TM9SF4: variants seen among roughly 807,000 people sequenced by gnomAD.
TM9SF4 encodes the protein dinucleotide oxidase disulfide thiol exchanger 3 superfamily member 4.
Under a neutral mutation model 90.4 loss-of-function variants are expected in TM9SF4, and 26 were observed. That is an observed-to-expected ratio of 0.29 (90% CI 0.21 to 0.40). TM9SF4 has a LOEUF of 0.40. Ranked by LOEUF, TM9SF4 falls within the 10% of genes least tolerant of loss-of-function variation. The pLI is 1.00. For synonymous variants in TM9SF4, 293 were observed against 315.4 expected, an observed-to-expected ratio of 0.93 and a Z score of 0.75; for missense variants, 549 against 834.8, an observed-to-expected ratio of 0.66 and a Z score of 4.22.
intron 3 of TM9SF4, among the ~76,000 whole-genome samples, chr20:32,139,694 C>T (rs2046643760): frequency 1.3e-5 from 2 of 152,256 alleles, no homozygotes; most frequent in African/African-American, 4.8e-5. Context: ...TTGTTGCTTT[C>T]TAGGTCAAAC....
At chr20:32,131,362 G>A (rs1418459757) in intron 1 of TM9SF4, among the ~76,000 whole-genome samples, 1 of 152,206 alleles carries the variant, frequency 6.6e-6, no homozygotes, top group African/African-American at 2.4e-5. Context: ...TCAGAAACTT[G>A]TAAAGCCATT....
chr20:32,148,646 G>A (rs769223797), intron 9 of TM9SF4, among the ~76,000 whole-genome samples: 26 of 148,978 alleles, frequency 1.7e-4, no homozygotes, highest in Non-Finnish European at 3.0e-4. Context: ...CCAAGACTTG[G>A]TATAGAAATA....
Position 32,144,954 on chromosome 20 carries a change from C to T in TM9SF4, c.653-137C>T, listed in dbSNP as rs1600822266. ...AAAATGAAAAAAAACCATTGTTGCC[C>T]ATTGTGCTCCCAGTCTCCACTCCCA... On this transcript the variant is annotated intron_variant, in intron 6 of 17. Transcript: ENST00000398022. 6 of 716,926 alleles carry T rather than the reference C, an allele frequency of 8.4e-6. No homozygotes were observed. In the East Asian group the frequency reaches 1.2e-4, roughly 15 times the overall value. The allele number at this position is 716,926 out of a possible 1,614,324, so 44.4% of individuals were successfully genotyped here.
intron 12 of TM9SF4, among the ~76,000 whole-genome samples, chr20:32,151,639 G>A (rs4911550): frequency 0.42 from 64,303 of 151,960 alleles, 13,958 homozygotes; most frequent in East Asian, 0.74. Flanking sequence ...ACTATTTTGG[G>A]AGGATCAAAG....
At position 32,165,570 on chromosome 20, in the gene TM9SF4, C is replaced by T. The variant is rs2047088550; in HGVS notation, c.*126C>T. The T allele has an allele frequency of 8.4e-7, 1 of 1,195,482 alleles. No individual in the cohort carries two copies. Among genetic ancestry groups the T allele is most frequent in the Non-Finnish European group, 1.2e-6 (1 of 847,054 alleles). The allele number at this position is 1,195,482 out of a possible 1,614,324, so 74.1% of individuals were successfully genotyped here. A position where few individuals can be genotyped will look rare whatever the true frequency, so the allele number is the denominator to read the frequency against. On this transcript the variant is annotated 3_prime_UTR_variant, in exon 18 of 18. Coordinates refer to ENST00000398022, the MANE Select transcript of TM9SF4 (RefSeq NM_014742.4). Reference sequence around the variant, plus strand: ...GAATGTAACTCCTGGCACAGTGTTCCTGGATCCTGGGGCTGCGTGGGGGGC... The same window carrying T: ...GAATGTAACTCCTGGCACAGTGTTCTTGGATCCTGGGGCTGCGTGGGGGGC...
chr20:32,154,579 G>A (rs4911551), intron 12 of TM9SF4, among the ~76,000 whole-genome samples: 64,258 of 151,902 alleles, frequency 0.42, 13,954 homozygotes, highest in East Asian at 0.74. Flanking sequence ...TCAGCCTCCC[G>A]AGTAGCTGAG....
chr20:32,129,263 C>G (rs577522089), intron 1 of TM9SF4, among the ~76,000 whole-genome samples: 1 of 152,004 alleles, frequency 6.6e-6, no homozygotes, highest in Non-Finnish European at 1.5e-5. Context: ...GAGGCTGAGG[C>G]GGGAGGATTG....
intron 6 of TM9SF4, 31 bp downstream of exon 6, chr20:32,143,136 G>T: frequency 6.2e-7 from 1 of 1,608,178 alleles, no homozygotes; most frequent in Non-Finnish European, 8.5e-7. Context: ...GGAGGGGCAG[G>T]GCTGGATGGG....
chr20:32,144,036 C>T (rs1224634397), intron 6 of TM9SF4, among the ~76,000 whole-genome samples: 1 of 152,122 alleles, frequency 6.6e-6, no homozygotes, highest in Non-Finnish European at 1.5e-5. Context: ...ACCTGCGTCT[C>T]CTGGGTTCAA....
In TM9SF4 at chr20:32,155,184, G is replaced by A. The variant is rs1266901692; in HGVS notation, c.1327G>A (p.Ala443Thr). 2 of 1,613,442 alleles carry A rather than the reference G, an allele frequency of 1.2e-6. No homozygotes were observed. The highest frequency in any genetic ancestry group is 2.7e-5 in the African/African-American group (2 of 74,928). ...CATTTGGGGAAAGCACTCATCAGGA[G>A]CGGTAAGTGCCTCCCCTACCCTTCC... is the stretch of plus-strand genomic sequence containing the variant. ...CFIWGKHSSGAVPFPTMVALL... is the reference protein window; with the variant it reads ...CFIWGKHSSGTVPFPTMVALL... The change falls in exon 13 of 18, where the codon GCG becomes ACG. Residue 443 changes from alanine to threonine, a missense_variant and splice_region_variant. This residue lies in a region of TM9SF4 where 495 missense variants were observed against 711.7 expected (regional missense o/e 0.70). Transcript: ENST00000398022.
chr20:32,165,372 A>G lies in TM9SF4; in HGVS notation c.1857A>G (p.Leu619=). 6.2e-7 allele frequency: 1 copy of G among 1,614,164 alleles called. No homozygotes were observed. The highest frequency in any genetic ancestry group is 1.3e-5 in the African/African-American group (1 of 75,022). ...TALMVLSFWL[L]TGTIGFYAAY... The stretch of plus-strand genomic sequence containing the variant: ...TCATGGTCTTGTCCTTCTGGCTGCT[A>G]ACGGGTACCATCGGCTTCTATGCAG... Residue 619 remains leucine, a synonymous_variant, in exon 18 of 18, where the codon CTA becomes CTG. Transcript: ENST00000398022.
At chr20:32,119,553 T>C (rs1470728502) in intron 1 of TM9SF4, among the ~76,000 whole-genome samples, 1 of 152,240 alleles carries the variant, frequency 6.6e-6, no homozygotes, top group African/African-American at 2.4e-5. Flanking sequence ...GTGTTCTTTG[T>C]ATATTCTGGA....
intron 1 of TM9SF4, chr20:32,109,989 C>G (rs2046116667): frequency 1.4e-6 from 2 of 1,414,638 alleles, no homozygotes; most frequent in Middle Eastern, 2.7e-4. Context: ...GGAGGAAGAC[C>G]TCGGCTGCTG....
Position 32,155,086 on chromosome 20 carries a change from G to A in TM9SF4, c.1246-17G>A, listed in dbSNP as rs760146008. On this transcript the variant is annotated splice_polypyrimidine_tract_variant and intron_variant, in intron 12 of 17. Transcript: ENST00000398022. ...GTCCCTGGATGCTGCTCCTCAACCC[G>A]GCCCCTCTTGCTCCAGACGGCAACT... 1.2e-5 allele frequency: 19 copies of A among 1,612,496 alleles called. No individual in the cohort carries two copies. Among genetic ancestry groups the A allele is most frequent in the Admixed American group, 1.2e-4 (7 of 60,002 alleles).
At chr20:32,146,922 A>G (rs1569089961) in intron 9 of TM9SF4, 67 bp downstream of exon 9, 16 of 1,398,548 alleles carry the variant, frequency 1.1e-5, no homozygotes, top group Non-Finnish European at 1.5e-5. Flanking sequence ...GTGTGTGCAT[A>G]TGTTTGTGTA....
intron 1 of TM9SF4, among the ~76,000 whole-genome samples, chr20:32,114,389 G>A (rs2046191571): frequency 6.6e-6 from 1 of 152,200 alleles, no homozygotes; most frequent in Non-Finnish European, 1.5e-5. Context: ...GGAGTGCAGT[G>A]GCACGATCAT....
chr20:32,123,075 A>G (rs543507034), intron 1 of TM9SF4, among the ~76,000 whole-genome samples: 80 of 148,446 alleles, frequency 5.4e-4, no homozygotes, highest in Admixed American at 1.4e-3. Flanking sequence ...AGGCTGAGGC[A>G]GGAGAATCAG....
intron 3 of TM9SF4, among the ~76,000 whole-genome samples, chr20:32,140,096 A>G (rs2046650335): frequency 6.6e-6 from 1 of 152,234 alleles, no homozygotes; most frequent in African/African-American, 2.4e-5. Flanking sequence ...TTCACGGATG[A>G]ATGAATGAAT....
chr20:32,139,175 G>A lies in TM9SF4; in HGVS notation c.230-2322G>A, dbSNP rs1009307232. ...CTACTTTGCACAGCAGAGTGCTGGCGCCTACAGCGGTGTAGCTCGCGGCCC... is the reference window on the plus strand; with the variant it reads ...CTACTTTGCACAGCAGAGTGCTGGCACCTACAGCGGTGTAGCTCGCGGCCC... On this transcript the variant is annotated intron_variant, in intron 3 of 17. Transcript: ENST00000398022. 3.3e-5 allele frequency among the ~76,000 whole-genome samples: 5 copies of A among 152,202 alleles called. No homozygotes were observed. The South Asian group carries it at 6.2e-4, about 19-fold the overall frequency.
Sources: gnomAD v4.1 joint callset for allele counts (sites outside exome capture counted in the v4.1 genomes callset) on GRCh38, gnomAD v4.1.1 for gene constraint, gnomAD v4.1.1 regional missense constraint, MANE v1.5 for transcripts, NCBI Gene and HGNC (gene_info 2026-07-23, HGNC 2026-07-21) for gene names.